TXNDC9: variants seen among roughly 807,000 people sequenced by gnomAD.
TXNDC9 encodes thioredoxin domain containing 9.
A neutral mutation model predicts 23.0 loss-of-function variants in TXNDC9; 7 were observed. That is an observed-to-expected ratio of 0.30 (90% CI 0.17 to 0.57). The LOEUF (loss-of-function observed/expected upper bound fraction) is 0.57, where lower values mean the gene tolerates loss of function less well. Among genes scored for constraint, TXNDC9 ranks in the 20% least tolerant of loss-of-function variants. TXNDC9 has a pLI of 0.90. For missense variants in TXNDC9, 198 were observed against 252.6 expected (o/e 0.78, Z 1.47); for synonymous variants, 72 against 90.6 (o/e 0.79, Z 1.17).
chr2:99,322,411 A>G, intron 3 of TXNDC9: 1 of 1,224,018 alleles, frequency 8.2e-7, no homozygotes, highest in East Asian at 2.6e-5. Context: ...ACAGCCTATA[A>G]GATTCTAGAA....
intron 3 of TXNDC9, among the ~76,000 whole-genome samples, chr2:99,325,577 C>T (rs765311247): frequency 3.9e-5 from 6 of 152,174 alleles, no homozygotes; most frequent in Non-Finnish European, 2.9e-5. Context: ...ACTGTTTATA[C>T]ACCATCAAAT....
At chr2:99,313,203 A>G in the TXNDC9 span, among the ~76,000 whole-genome samples, 1 of 151,344 alleles carries the variant, frequency 6.6e-6, no homozygotes, top group South Asian at 2.1e-4. Context: ...AATAAAACAA[A>G]CAAAACTGCC....
Position 99,336,310 on chromosome 2 carries a change from C to T in TXNDC9, c.-104G>A. The T allele has an allele frequency of 5.1e-6, 5 of 985,520 alleles. No homozygotes were observed. The South Asian group carries it at 2.3e-4, about 46-fold the overall frequency. The allele number at this position is 985,520 out of a possible 1,614,324, so 61.0% of individuals were successfully genotyped here. A position where few individuals can be genotyped will look rare whatever the true frequency, so the allele number is the denominator to read the frequency against. The stretch of plus-strand genomic sequence containing the variant: ...AAGACACGTCCACTCCGGCTTTTGC[C>T]TTGCAGTAGCTGCCGGCGGCTGCAA... On this transcript the variant is annotated 5_prime_UTR_variant, in exon 1 of 5. Coordinates refer to ENST00000264255, the MANE Select transcript of TXNDC9 (RefSeq NM_005783.4).
chr2:99,330,790 AT>A (rs2094223626), intron 2 of TXNDC9, among the ~76,000 whole-genome samples: 2 of 152,236 alleles, frequency 1.3e-5, no homozygotes, highest in East Asian at 3.8e-4. Flanking sequence ...GAAAATCAAA[AT>A]TACTGCATAA....
intron 4 of TXNDC9, 97 bp downstream of exon 4, chr2:99,321,858 T>G: frequency 7.5e-7 from 1 of 1,337,762 alleles, no homozygotes; most frequent in South Asian, 1.6e-5. Context: ...CCAAAATGCC[T>G]TAATTTCATA....
At chr2:99,331,675 A>T (rs75471684) in intron 2 of TXNDC9, among the ~76,000 whole-genome samples, 13,598 of 152,252 alleles carry the variant, frequency 0.089, 790 homozygotes, top group Non-Finnish European at 0.12. Context: ...TAACTCTTCT[A>T]AACATGAGGG....
chr2:99,333,029 T>A lies in TXNDC9; in HGVS notation c.182A>T (p.Gln61Leu). 6.2e-7 allele frequency: 1 copy of A among 1,613,764 alleles called. No individual in the cohort carries two copies. The highest frequency in any genetic ancestry group is 1.3e-5 in the African/African-American group (1 of 75,030). Residue 61 changes from glutamine to leucine, a missense_variant, in exon 2 of 5, where the codon CAG becomes CTG. Coordinates refer to ENST00000264255, the MANE Select transcript of TXNDC9 (RefSeq NM_005783.4). ...RLQALRKAQQ[Q>L]KQEWLSKGHG... ...GCAGGGCAGAGAGGTTACTTGTTTCTGCTGTTGAGCTTTCCTTAGTGCCTG... is the reference window on the plus strand; with the variant it reads ...GCAGGGCAGAGAGGTTACTTGTTTCAGCTGTTGAGCTTTCCTTAGTGCCTG...
chr2:99,308,719 T>C, the TXNDC9 span, among the ~76,000 whole-genome samples: 20 of 148,826 alleles, frequency 1.3e-4, no homozygotes, highest in African/African-American at 4.2e-4. Context: ...AATAAAATAA[T>C]TTTTTTTTTT....
chr2:99,319,523 A>G lies in TXNDC9; in HGVS notation c.*159T>C, dbSNP rs1434644647. On this transcript the variant is annotated 3_prime_UTR_variant, in exon 5 of 5. Coordinates refer to ENST00000264255, the MANE Select transcript of TXNDC9 (RefSeq NM_005783.4). The stretch of plus-strand genomic sequence containing the variant: ...TCCTCAACTTAAACATGATGGCCAC[A>G]CAGAAAACAGTAAAGACACTTTTCG... 3 of 541,484 alleles carry G rather than the reference A, an allele frequency of 5.5e-6. No homozygotes were observed. Among genetic ancestry groups the G allele is most frequent in the Non-Finnish European group, 9.6e-6 (3 of 311,414 alleles). 33.5% of individuals were successfully genotyped at this position (541,484 alleles called of 1,614,324 possible). A position where few individuals can be genotyped will look rare whatever the true frequency, so the allele number is the denominator to read the frequency against.
At chr2:99,306,531 G>T in the TXNDC9 span, among the ~76,000 whole-genome samples, 1 of 151,826 alleles carries the variant, frequency 6.6e-6, no homozygotes, top group South Asian at 2.1e-4. Flanking sequence ...GTGAGGGAGG[G>T]GGCTCCCTCT....
chr2:99,331,524 A>G (rs1187100733), intron 2 of TXNDC9, among the ~76,000 whole-genome samples: 1 of 151,904 alleles, frequency 6.6e-6, no homozygotes, highest in Non-Finnish European at 1.5e-5. Context: ...AAAAAAAAAA[A>G]AAGAAAGAAA....
At chr2:99,332,263 C>A (rs1330654897) in intron 2 of TXNDC9, among the ~76,000 whole-genome samples, 1 of 152,096 alleles carries the variant, frequency 6.6e-6, no homozygotes, top group Non-Finnish European at 1.5e-5. Flanking sequence ...GCCAACATGG[C>A]GAAACCCCAT....
At chr2:99,315,888 G>A (rs900797538), downstream of TXNDC9, among the ~76,000 whole-genome samples, 8 of 152,024 alleles carry the variant, frequency 5.3e-5, no homozygotes, top group African/African-American at 1.4e-4. Context: ...TTTGATATCC[G>A]AGTGAGTACT....
At chr2:99,307,969 C>G in the TXNDC9 span, among the ~76,000 whole-genome samples, 1 of 152,148 alleles carries the variant, frequency 6.6e-6, no homozygotes, top group African/African-American at 2.4e-5. Flanking sequence ...TCTCTGCAAG[C>G]TGTGTAAGAA....
At chr2:99,318,829 A>C (rs1352256018), downstream of TXNDC9, among the ~76,000 whole-genome samples, 3 of 152,202 alleles carry the variant, frequency 2.0e-5, no homozygotes, top group Non-Finnish European at 4.4e-5. Context: ...GGGCTTCTGC[A>C]ACACAGAGCT....
intron 2 of TXNDC9, 36 bp from the exon 3 acceptor site, chr2:99,327,689 G>C (rs767217090): frequency 7.6e-7 from 1 of 1,315,612 alleles, no homozygotes; most frequent in South Asian, 1.2e-5. Context: ...ACACATGTGA[G>C]ATATCTCTTT....
intron 1 of TXNDC9, among the ~76,000 whole-genome samples, chr2:99,334,355 A>C (rs1212864029): frequency 1.3e-5 from 2 of 152,336 alleles, no homozygotes; most frequent in East Asian, 1.9e-4. Flanking sequence ...ACCCTGTCTC[A>C]AAAACCAAAA....
chr2:99,330,716 G>A (rs2094222755), intron 2 of TXNDC9, among the ~76,000 whole-genome samples: 1 of 152,150 alleles, frequency 6.6e-6, no homozygotes, highest in African/African-American at 2.4e-5. Flanking sequence ...GATTCACCTA[G>A]GTCTATTAAG....
At chr2:99,329,164 A>AAT (rs2094219495) in intron 2 of TXNDC9, among the ~76,000 whole-genome samples, 2 of 152,184 alleles carry the variant, frequency 1.3e-5, no homozygotes, top group African/African-American at 4.8e-5. Flanking sequence ...ACTGAACTGC[A>AAT]ATATATCCAT....
Sources: allele counts gnomAD v4.1 joint callset (sites outside exome capture counted in the v4.1 genomes callset), GRCh38; gene constraint gnomAD v4.1.1; transcripts MANE v1.5; gene names NCBI Gene and HGNC (gene_info 2026-07-23, HGNC 2026-07-21).